SCN8A: variants seen among roughly 807,000 people sequenced by gnomAD.
SCN8A encodes sodium voltage-gated channel alpha subunit 8.
Under a neutral mutation model 184.1 loss-of-function variants are expected in SCN8A, and 30 were observed. The ratio of observed to expected loss-of-function variants is 0.16; its 90% CI spans 0.12 to 0.22. The LOEUF (loss-of-function observed/expected upper bound fraction) is 0.22, where lower values mean the gene tolerates loss of function less well. Ranked by LOEUF, SCN8A falls within the 10% of genes least tolerant of loss-of-function variation. The pLI, the probability that SCN8A is intolerant of heterozygous loss-of-function variation, is 1.00. For missense variants in SCN8A, 1,057 were observed against 2,498.9 expected (o/e 0.42, Z 12.30); for synonymous variants, 852 against 907.0 (o/e 0.94, Z 1.09).
chr12:51,751,207 A>T (rs528618061), intron 13 of SCN8A, 148 bp from the exon 14 acceptor site: 17 of 623,104 alleles, frequency 2.7e-5, no homozygotes, highest in South Asian at 1.0e-4. Context: ...TCTCTACCTT[A>T]GAGAGAAGGA....
chr12:51,740,486 T>A lies in SCN8A; in HGVS notation c.1999-5417T>A, dbSNP rs529244930. Among the ~76,000 whole-genome samples, 3 of 152,362 alleles carry A rather than the reference T, an allele frequency of 2.0e-5. No individual in the cohort carries two copies. In the South Asian group the frequency reaches 6.2e-4, roughly 32 times the overall value. On this transcript the variant is annotated intron_variant, in intron 12 of 26. Transcript: ENST00000627620. ...TTCCTCTTATTGATTTCTGGTTTTA[T>A]TCAAAGATGCTTGATATTGTGGTAA...
intron 1 of SCN8A, among the ~76,000 whole-genome samples, chr12:51,626,466 G>A (rs563290211): frequency 3.9e-5 from 6 of 152,248 alleles, no homozygotes; most frequent in Non-Finnish European, 7.4e-5. Context: ...ATTATTGACT[G>A]CCAACTTTGA....
At chr12:51,695,805 A>T (rs1179193794) in intron 6 of SCN8A, among the ~76,000 whole-genome samples, 3 of 152,182 alleles carry the variant, frequency 2.0e-5, no homozygotes, top group South Asian at 2.1e-4. Flanking sequence ...TCCTGTTCCA[A>T]ATTCCTGTAG....
intron 21 of SCN8A, among the ~76,000 whole-genome samples, chr12:51,784,593 G>A (rs1219697622): frequency 6.6e-6 from 1 of 152,064 alleles, no homozygotes; most frequent in Non-Finnish European, 1.5e-5. Context: ...CTCTGGTTAT[G>A]ATTAAAGTAC....
chr12:51,648,315 G>A (rs1940636266), intron 1 of SCN8A, among the ~76,000 whole-genome samples: 1 of 152,162 alleles, frequency 6.6e-6, no homozygotes, highest in African/African-American at 2.4e-5. Context: ...AAACCCTCCT[G>A]CCTCAGCCTC....
chr12:51,623,526 A>G (rs889772707), intron 1 of SCN8A, among the ~76,000 whole-genome samples: 61 of 152,222 alleles, frequency 4.0e-4, no homozygotes, highest in Non-Finnish European at 2.6e-4. Context: ...TTATACTCCT[A>G]TGAGCTACGA....
chr12:51,770,069 G>T, intron 18 of SCN8A, 84 bp downstream of exon 18: 5 of 913,440 alleles, frequency 5.5e-6, no homozygotes, highest in South Asian at 1.5e-5. Context: ...GGTGGGTGAG[G>T]GGCAGCTCAG....
At chr12:51,755,241 TC>T (rs1343085752) in intron 14 of SCN8A, among the ~76,000 whole-genome samples, 1 of 152,224 alleles carries the variant, frequency 6.6e-6, no homozygotes, top group African/African-American at 2.4e-5. Context: ...AATTTCCTGT[TC>T]ATTCAGATTT....
chr12:51,686,289 A>G, intron 3 of SCN8A, 79 bp from the exon 4 acceptor site: 1 of 815,408 alleles, frequency 1.2e-6, no homozygotes, highest in Non-Finnish European at 2.1e-6. Context: ...TAGATCTGAT[A>G]CCCAATGGAA....
chr12:51,661,690 G>A (rs1463369171), intron 1 of SCN8A, among the ~76,000 whole-genome samples: 3 of 152,140 alleles, frequency 2.0e-5, no homozygotes, highest in Admixed American at 1.3e-4. Context: ...AGTACCATGA[G>A]CACCCAATGA....
At chr12:51,613,432 A>G (rs1001521509) in intron 1 of SCN8A, among the ~76,000 whole-genome samples, 1 of 152,068 alleles carries the variant, frequency 6.6e-6, no homozygotes, top group Non-Finnish European at 1.5e-5. Flanking sequence ...TTTAACATCT[A>G]TGGAGGTCTA....
In SCN8A at chr12:51,785,665, C is replaced by CT. The variant is rs202024579; in HGVS notation, c.3943-868dup. On this transcript the variant is annotated intron_variant, in intron 21 of 26. Transcript: ENST00000627620. ...ATTCCTAAGGGGTTTTTTTCTTTTG[C>CT]TTTTTTTTTATTCCTGAGCTTACTG... Among the ~76,000 whole-genome samples the CT allele has an allele frequency of 1.3e-3, 199 of 151,276 alleles. 1 individual carries two copies. The highest frequency in any genetic ancestry group is 4.5e-3 in the African/African-American group (184 of 41,284).
At chr12:51,695,719 A>T (rs897895062) in intron 6 of SCN8A, among the ~76,000 whole-genome samples, 6 of 151,836 alleles carry the variant, frequency 4.0e-5, no homozygotes, top group African/African-American at 1.5e-4. Context: ...TAATGACAGA[A>T]TATGGCTACC....
At chr12:51,777,339 A>G (rs2138884514) in intron 20 of SCN8A, among the ~76,000 whole-genome samples, 1 of 152,030 alleles carries the variant, frequency 6.6e-6, no homozygotes, top group African/African-American at 2.4e-5. Flanking sequence ...GGCTCACTGC[A>G]GCCTCCAAGT....
At chr12:51,607,991 C>T (rs1352615751) in intron 1 of SCN8A, among the ~76,000 whole-genome samples, 1 of 149,980 alleles carries the variant, frequency 6.7e-6, no homozygotes, top group Non-Finnish European at 1.5e-5. Context: ...GGAATAGTGT[C>T]AAAAGGATTG....
chr12:51,630,486 T>C (rs1334875018), intron 1 of SCN8A, among the ~76,000 whole-genome samples: 1 of 152,196 alleles, frequency 6.6e-6, no homozygotes, highest in African/African-American at 2.4e-5. Context: ...TGTGTGCATA[T>C]ACCACATTTT....
chr12:51,777,920 C>G (rs1937760120), intron 20 of SCN8A, among the ~76,000 whole-genome samples: 1 of 152,220 alleles, frequency 6.6e-6, no homozygotes, highest in Non-Finnish European at 1.5e-5. Flanking sequence ...TTCAGATATA[C>G]TTATTAAGGC....
At chr12:51,649,153 T>A (rs1940654412) in intron 1 of SCN8A, among the ~76,000 whole-genome samples, 1 of 152,222 alleles carries the variant, frequency 6.6e-6, no homozygotes, top group African/African-American at 2.4e-5. Flanking sequence ...CAAGGCCTCA[T>A]GTCCATGTCA....
At chr12:51,745,803 G>A (rs1942500586) in intron 12 of SCN8A, 100 bp from the exon 13 acceptor site, 5 of 947,908 alleles carry the variant, frequency 5.3e-6, no homozygotes, top group African/African-American at 1.7e-5. Context: ...GTTAAAGACT[G>A]TAATGAAGAT....
Sources: allele counts gnomAD v4.1 joint callset (sites outside exome capture counted in the v4.1 genomes callset), GRCh38; gene constraint gnomAD v4.1.1; transcripts MANE v1.5; gene names NCBI Gene and HGNC (gene_info 2026-07-23, HGNC 2026-07-21).